The following TMPRSS15 variants were observed in gnomAD, a reference collection of about 807,000 sequenced individuals.
TMPRSS15 encodes the protein transmembrane serine protease 15.
TMPRSS15 carries 128 observed loss-of-function variants against 125.3 expected under a neutral mutation model. The observed-to-expected ratio is 1.02, with a 90% CI of 0.89 to 1.18. TMPRSS15 has a LOEUF of 1.18. Among genes scored for constraint, TMPRSS15 ranks in the 50% most tolerant of loss-of-function variants. TMPRSS15 has a pLI of 0.00. For missense variants in TMPRSS15, 1,283 were observed against 1,212.7 expected, an observed-to-expected ratio of 1.06 and a Z score of -0.86; for synonymous variants, 446 against 423.2, an observed-to-expected ratio of 1.05 and a Z score of -0.66.
At chr21:18,408,461 A>G (rs1316577617), upstream of TMPRSS15, among the ~76,000 whole-genome samples, 2 of 152,188 alleles carry the variant, frequency 1.3e-5, no homozygotes, top group Non-Finnish European at 2.9e-5. Context: ...GACATTTCAG[A>G]GACTTCTTTT....
intron 7 of TMPRSS15, among the ~76,000 whole-genome samples, chr21:18,362,376 G>A (rs2075686412): frequency 6.6e-6 from 1 of 152,132 alleles, no homozygotes; most frequent in Admixed American, 6.5e-5. Flanking sequence ...ATGTTTTCAA[G>A]CTGTCAATCT....
intron 1 of TMPRSS15, among the ~76,000 whole-genome samples, chr21:18,463,245 G>GAAAAAA (rs1978585963): frequency 2.1e-3 from 3 of 1,400 alleles, no homozygotes; most frequent in Non-Finnish European, 5.1e-3. Flanking sequence ...CAAATGGAAA[G>GAAAAAA]CAAAAAAAAA....
chr21:18,480,190 C>T lies in TMPRSS15; in HGVS notation c.10+5609G>A, dbSNP rs948049434. Among the ~76,000 whole-genome samples the T allele has an allele frequency of 4.6e-5, 7 of 151,670 alleles. No individual in the cohort carries two copies. In the South Asian group the frequency reaches 1.5e-3, roughly 31 times the overall value. On this transcript the variant is annotated intron_variant, in intron 1 of 7. Transcript: ENST00000422787. ...ACTCATAAGTGGGAGCTGAATATTT[C>T]TTTCAAATATCTGATCTAATAATAT...
intron 1 of TMPRSS15, among the ~76,000 whole-genome samples, chr21:18,424,066 G>A (rs925556948): frequency 6.6e-6 from 1 of 152,132 alleles, no homozygotes; most frequent in Non-Finnish European, 1.5e-5. Flanking sequence ...TTAACTGAAA[G>A]AGAATGCTTT....
chr21:18,314,602 AT>A (rs549317489), intron 17 of TMPRSS15, among the ~76,000 whole-genome samples: 31 of 150,296 alleles, frequency 2.1e-4, no homozygotes, highest in Middle Eastern at 3.4e-3. Context: ...CTTGTTGTGG[AT>A]TTTTTTTTTA....
At chr21:18,312,523 T>C (rs748593086) in intron 18 of TMPRSS15, among the ~76,000 whole-genome samples, 2 of 151,284 alleles carry the variant, frequency 1.3e-5, no homozygotes, top group Non-Finnish European at 3.0e-5. Flanking sequence ...TGTACTTCTA[T>C]AAATTTTCCA....
intron 18 of TMPRSS15, among the ~76,000 whole-genome samples, chr21:18,300,104 C>T (rs2074948982): frequency 1.6e-5 from 1 of 62,414 alleles, no homozygotes; most frequent in South Asian, 4.4e-4. Flanking sequence ...AGACTCTTCA[C>T]TTATCTATAG....
chr21:18,393,245 A>T (rs2076005837), intron 3 of TMPRSS15, among the ~76,000 whole-genome samples: 1 of 152,184 alleles, frequency 6.6e-6, no homozygotes, highest in Non-Finnish European at 1.5e-5. Context: ...AGAGACATTT[A>T]TTCTCTAAAA....
Position 18,470,388 on chromosome 21 carries a change from G to A in TMPRSS15, c.10+15411C>T, listed in dbSNP as rs576327669. Among the ~76,000 whole-genome samples, 45 of 151,920 alleles carry A rather than the reference G, an allele frequency of 3.0e-4. No individual in the cohort carries two copies. The Middle Eastern group carries it at 0.021, about 69-fold the overall frequency. ...AACTGTCAAGAATATTGCACAAAGT[G>A]TCTATGAACTACAAATTTCTATACA... On this transcript the variant is annotated intron_variant, in intron 1 of 7. Coordinates refer to the TMPRSS15 transcript ENST00000422787.
chr21:18,282,719 C>T (rs2074715935), intron 21 of TMPRSS15, among the ~76,000 whole-genome samples: 2 of 152,152 alleles, frequency 1.3e-5, no homozygotes, highest in Admixed American at 6.5e-5. Context: ...TGTATCTCTT[C>T]ATTTAATCCT....
At chr21:18,450,878 C>T (rs148227817) in intron 1 of TMPRSS15, among the ~76,000 whole-genome samples, 464 of 152,222 alleles carry the variant, frequency 3.0e-3, no homozygotes, top group African/African-American at 0.01. Flanking sequence ...TTCATATATA[C>T]ACCGTCAACA....
intron 13 of TMPRSS15, among the ~76,000 whole-genome samples, chr21:18,333,810 C>T (rs1295711758): frequency 6.6e-6 from 1 of 152,054 alleles, no homozygotes; most frequent in African/African-American, 2.4e-5. Flanking sequence ...AAATTCTTAA[C>T]ATACTTTGTT....
intron 13 of TMPRSS15, among the ~76,000 whole-genome samples, chr21:18,336,138 G>T (rs1184420353): frequency 6.6e-6 from 1 of 152,098 alleles, no homozygotes; most frequent in Non-Finnish European, 1.5e-5. Context: ...TCCGTGAAAT[G>T]TGTGTTAATG....
chr21:18,421,876 C>A (rs568227141), intron 1 of TMPRSS15, among the ~76,000 whole-genome samples: 1 of 152,292 alleles, frequency 6.6e-6, no homozygotes, highest in East Asian at 1.9e-4. Flanking sequence ...TATCGATACA[C>A]CCCTTCGGTT....
At chr21:18,377,839 C>T (rs895884449) in intron 5 of TMPRSS15, among the ~76,000 whole-genome samples, 4 of 152,132 alleles carry the variant, frequency 2.6e-5, no homozygotes, top group Admixed American at 6.5e-5. Flanking sequence ...TCTCTGACCC[C>T]TCATTCATCA....
chr21:18,346,353 G>A (rs530979714), intron 10 of TMPRSS15, among the ~76,000 whole-genome samples: 244 of 152,050 alleles, frequency 1.6e-3, no homozygotes, highest in Non-Finnish European at 2.9e-3. Flanking sequence ...ATCCCATTCC[G>A]TTTCAACATG....
chr21:18,281,885 C>T (rs1413754266), intron 21 of TMPRSS15, among the ~76,000 whole-genome samples: 1 of 151,870 alleles, frequency 6.6e-6, no homozygotes, highest in Non-Finnish European at 1.5e-5. Flanking sequence ...ATCACAAGGT[C>T]AGGGGATCGA....
At chr21:18,340,030 G>A (rs2075431477) in intron 13 of TMPRSS15, among the ~76,000 whole-genome samples, 1 of 152,292 alleles carries the variant, frequency 6.6e-6, no homozygotes, top group East Asian at 1.9e-4. Flanking sequence ...ATATGCCAAA[G>A]CCTTACAAAG....
At chr21:18,374,466 C>G (rs1333669391) in intron 5 of TMPRSS15, among the ~76,000 whole-genome samples, 61 of 105,036 alleles carry the variant, frequency 5.8e-4, no homozygotes, top group Non-Finnish European at 8.9e-4. Flanking sequence ...GGCGACAGAG[C>G]GAGACTCCGT....
Sources: gnomAD v4.1 joint callset for allele counts (sites outside exome capture counted in the v4.1 genomes callset) on GRCh38, gnomAD v4.1.1 for gene constraint, MANE v1.5 for transcripts, NCBI Gene and HGNC (gene_info 2026-07-23, HGNC 2026-07-21) for gene names.